The following DCBLD2 variants were observed in gnomAD, a reference collection of about 807,000 sequenced individuals.
DCBLD2 encodes discoidin, CUB and LCCL domain-containing protein 2.
A neutral mutation model predicts 86.8 loss-of-function variants in DCBLD2; 54 were observed. That is an observed-to-expected ratio of 0.62 (90% CI 0.50 to 0.78). The LOEUF (loss-of-function observed/expected upper bound fraction) is 0.78. Ranked by LOEUF, DCBLD2 falls within the 30% of genes least tolerant of loss-of-function variation. DCBLD2 has a pLI of 0.00. For missense variants in DCBLD2, 908 were observed against 954.2 expected (o/e 0.95, Z 0.64); for synonymous variants, 354 against 341.3 (o/e 1.04, Z -0.41).
chr3:98,858,108 C>T (rs1942970822), intron 2 of DCBLD2, among the ~76,000 whole-genome samples: 1 of 152,234 alleles, frequency 6.6e-6, no homozygotes, highest in African/African-American at 2.4e-5. Context: ...GGTCCCGAGC[C>T]CTGCCCCACG....
At chr3:98,870,789 G>GAAAGAA (rs1553731710) in intron 2 of DCBLD2, among the ~76,000 whole-genome samples, 2 of 150,994 alleles carry the variant, frequency 1.3e-5, no homozygotes, top group Admixed American at 6.6e-5. Flanking sequence ...AAGAAAGAAA[G>GAAAGAA]AAAGAAAGAA....
intron 2 of DCBLD2, among the ~76,000 whole-genome samples, chr3:98,850,288 GCATTAA>G (rs1942809809): frequency 6.6e-6 from 1 of 152,212 alleles, no homozygotes; most frequent in Admixed American, 6.5e-5. Context: ...CACATAAAAT[GCATTAA>G]CACTAATGAC....
chr3:98,891,187 A>T (rs1019585194), intron 1 of DCBLD2, among the ~76,000 whole-genome samples: 1 of 151,148 alleles, frequency 6.6e-6, no homozygotes, highest in Non-Finnish European at 1.5e-5. Context: ...TGACAGAGGG[A>T]GAGGGAGAAG....
At chr3:98,822,560 TAAA>T in intron 5 of DCBLD2, 106 bp downstream of exon 5, 3 of 1,301,622 alleles carry the variant, frequency 2.3e-6, no homozygotes, top group Non-Finnish European at 2.1e-6. Context: ...AAAAATGTCT[TAAA>T]AAGGCAAAAG....
At chr3:98,877,507 G>A (rs1301883959) in intron 2 of DCBLD2, among the ~76,000 whole-genome samples, 2 of 152,118 alleles carry the variant, frequency 1.3e-5, no homozygotes, top group Non-Finnish European at 2.9e-5. Flanking sequence ...AGGATAGAAT[G>A]AACCCTATAA....
intron 3 of DCBLD2, 37 bp downstream of exon 3, chr3:98,849,424 A>T (rs780003855): frequency 3.7e-5 from 60 of 1,612,350 alleles, no homozygotes; most frequent in Non-Finnish European, 2.7e-5. Flanking sequence ...GTTAGAAATT[A>T]CAAACTGTAG....
chr3:98,817,222 T>C (rs1388036675), intron 9 of DCBLD2, among the ~76,000 whole-genome samples: 1 of 152,176 alleles, frequency 6.6e-6, no homozygotes, highest in African/African-American at 2.4e-5. Flanking sequence ...TCTTCATAAA[T>C]TGTTGCTAAC....
In DCBLD2 at chr3:98,881,660, C is replaced by G; in HGVS notation, c.313G>C (p.Val105Leu). 1 of 1,613,960 alleles carries G rather than the reference C, an allele frequency of 6.2e-7. No individual in the cohort carries two copies. The highest frequency in any genetic ancestry group is 1.1e-5 in the South Asian group (1 of 91,074). ...ATGCGAACTCTCTCTCCCATCTTTA[C>G]ACGGATCTCCCATTCACAAACAGTG... ...NSTVCEWEIR[V>L]KMGERVRIKF... The change falls in exon 2 of 16, where the codon GTA becomes CTA. Residue 105 changes from valine (V) to leucine (L), a missense_variant. Coordinates refer to ENST00000326840, the MANE Select transcript of DCBLD2 (RefSeq NM_080927.4).
chr3:98,870,805 GA>G (rs1491246808), intron 2 of DCBLD2, among the ~76,000 whole-genome samples: 98 of 148,512 alleles, frequency 6.6e-4, no homozygotes, highest in African/African-American at 1.9e-3. Context: ...AAGAAAGAAA[GA>G]AAGAAAGGTA....
intron 3 of DCBLD2, among the ~76,000 whole-genome samples, chr3:98,846,824 A>C (rs890797842): frequency 6.6e-6 from 1 of 152,196 alleles, no homozygotes; most frequent in African/African-American, 2.4e-5. Context: ...CAGGACATTA[A>C]GGTTTCTGTG....
chr3:98,817,331 A>T (rs1486059315), intron 9 of DCBLD2, among the ~76,000 whole-genome samples: 4 of 152,198 alleles, frequency 2.6e-5, no homozygotes, highest in Non-Finnish European at 4.4e-5. Flanking sequence ...TCTTCAGATG[A>T]ATTTTCATCT....
intron 2 of DCBLD2, among the ~76,000 whole-genome samples, chr3:98,850,012 C>T (rs1208061173): frequency 6.6e-6 from 1 of 152,190 alleles, no homozygotes; most frequent in Non-Finnish European, 1.5e-5. Context: ...GGTCATCCCT[C>T]AAGCCTTTTT....
chr3:98,822,521 GAAGAAA>G (rs1942141883), intron 5 of DCBLD2, 142 bp downstream of exon 5: 1 of 1,238,050 alleles, frequency 8.1e-7, no homozygotes. Context: ...AGTTTTAGCA[GAAGAAA>G]AAGAATAAAA....
chr3:98,874,001 G>C (rs1385136512), intron 2 of DCBLD2, among the ~76,000 whole-genome samples: 1 of 152,058 alleles, frequency 6.6e-6, no homozygotes, highest in Non-Finnish European at 1.5e-5. Context: ...TAGGTGAATG[G>C]GTAATTTACC....
intron 3 of DCBLD2, among the ~76,000 whole-genome samples, chr3:98,839,117 CTTTT>C (rs758970392): frequency 4.1e-4 from 45 of 109,076 alleles, no homozygotes; most frequent in Admixed American, 1.0e-3. Context: ...TTCTTTCTTT[CTTTT>C]TCTTTCTTTC....
At position 98,875,980 on chromosome 3, in the gene DCBLD2, T is replaced by C. The variant is rs577301855; in HGVS notation, c.433+5560A>G. Among the ~76,000 whole-genome samples the C allele has an allele frequency of 2.6e-5, 4 of 152,102 alleles. No homozygotes were observed. The South Asian group carries it at 8.3e-4, about 32-fold the overall frequency. ...AAAAAATGGGTAAATTTATCTTTAGTTGGGATATAGGAAGAAGCTTTCTAA... is the reference window on the plus strand; with the variant it reads ...AAAAAATGGGTAAATTTATCTTTAGCTGGGATATAGGAAGAAGCTTTCTAA... On this transcript the variant is annotated intron_variant, in intron 2 of 15. Coordinates refer to ENST00000326840, the MANE Select transcript of DCBLD2 (RefSeq NM_080927.4).
rs910451767 is a variant in DCBLD2 at position 98,798,152 on chromosome 3, G to A, written c.*1220C>T. On this transcript the variant is annotated 3_prime_UTR_variant, in exon 16 of 16. Coordinates refer to ENST00000326840, the MANE Select transcript of DCBLD2 (RefSeq NM_080927.4). ...CATTTGCTAGTAAGCTATAATGTCT[G>A]TTCCCTAGGTGACATATAGGACTAC... is the stretch of plus-strand genomic sequence containing the variant. The A allele has an allele frequency of 3.3e-5, 5 of 152,152 alleles. No homozygotes were observed. In the East Asian group the frequency reaches 9.6e-4, roughly 29 times the overall value. 9.4% of individuals were successfully genotyped at this position (152,152 alleles called of 1,614,324 possible).
intron 2 of DCBLD2, among the ~76,000 whole-genome samples, chr3:98,861,788 G>T (rs945357971): frequency 3.3e-5 from 5 of 151,772 alleles, no homozygotes; most frequent in African/African-American, 7.3e-5. Context: ...GATCTAAAAT[G>T]GACACCCTAA....
chr3:98,812,607 A>G, intron 9 of DCBLD2, 125 bp from the exon 10 acceptor site: 1 of 698,848 alleles, frequency 1.4e-6, no homozygotes, highest in African/African-American at 1.8e-5. Context: ...TATGATAATA[A>G]GGATCAATTT....
Sources: gnomAD v4.1 joint callset for allele counts (sites outside exome capture counted in the v4.1 genomes callset) on GRCh38, gnomAD v4.1.1 for gene constraint, MANE v1.5 for transcripts, NCBI Gene and HGNC (gene_info 2026-07-23, HGNC 2026-07-21) for gene names.